The following TMPRSS11F variants were observed in gnomAD, a reference collection of about 807,000 sequenced individuals.
TMPRSS11F encodes the protein transmembrane serine protease 11F.
Under a neutral mutation model 60.2 loss-of-function variants are expected in TMPRSS11F, and 47 were observed. The ratio of observed to expected loss-of-function variants is 0.78; its 90% CI spans 0.62 to 1.00. The LOEUF is 1.00. Among genes scored for constraint, TMPRSS11F ranks in the 50% least tolerant of loss-of-function variants. The pLI is 0.00. For synonymous variants in TMPRSS11F, 166 were observed against 167.3 expected (o/e 0.99, Z 0.06); for missense variants, 519 against 522.9 (o/e 0.99, Z 0.07).
At chr4:68,072,585 T>C in intron 4 of TMPRSS11F, 99 bp from the exon 5 acceptor site, 1 of 776,434 alleles carries the variant, frequency 1.3e-6, no homozygotes, top group Non-Finnish European at 1.8e-6. Flanking sequence ...TAATGCATGA[T>C]ACATGTGCAT....
chr4:68,091,765 C>CTA (rs1290302918), intron 2 of TMPRSS11F, among the ~76,000 whole-genome samples: 46 of 114,660 alleles, frequency 4.0e-4, no homozygotes, highest in Admixed American at 1.7e-3. Context: ...CTCTCTCTCT[C>CTA]TCTCTCTCTC....
intron 1 of TMPRSS11F, among the ~76,000 whole-genome samples, chr4:68,114,388 C>A (rs1342707183): frequency 6.6e-6 from 1 of 151,774 alleles, no homozygotes; most frequent in African/African-American, 2.4e-5. Context: ...AAAGATATTA[C>A]CATAGACCTA....
intron 1 of TMPRSS11F, among the ~76,000 whole-genome samples, chr4:68,115,343 C>G (rs1338383543): frequency 1.0e-5 from 1 of 100,022 alleles, no homozygotes; most frequent in Non-Finnish European, 1.8e-5. Flanking sequence ...GGCAACAGAG[C>G]AAGACACCAT....
intron 2 of TMPRSS11F, among the ~76,000 whole-genome samples, chr4:68,097,698 C>T (rs1042894028): frequency 6.6e-6 from 1 of 151,878 alleles, no homozygotes; most frequent in Non-Finnish European, 1.5e-5. Flanking sequence ...ATTATTTTTA[C>T]TATCCCTTCA....
At chr4:68,099,189 A>G (rs2109871728) in intron 1 of TMPRSS11F, 151 bp from the exon 2 acceptor site, 1 of 614,386 alleles carries the variant, frequency 1.6e-6, no homozygotes. Context: ...TTTAATTTGC[A>G]TATCCTCCCC....
chr4:68,091,324 A>T (rs1050202979), intron 2 of TMPRSS11F, among the ~76,000 whole-genome samples: 3 of 151,974 alleles, frequency 2.0e-5, no homozygotes, highest in Admixed American at 6.6e-5. Flanking sequence ...CGTCGCAGTC[A>T]CCTTGGTGAG....
chr4:68,091,118 T>C (rs1723921001), intron 2 of TMPRSS11F, among the ~76,000 whole-genome samples: 1 of 152,128 alleles, frequency 6.6e-6, no homozygotes. Flanking sequence ...TCCCATTCAC[T>C]CCCTAATTCT....
intron 8 of TMPRSS11F, 111 bp downstream of exon 8, chr4:68,064,573 AC>A: frequency 7.9e-7 from 1 of 1,264,864 alleles, no homozygotes; most frequent in East Asian, 2.3e-5. Flanking sequence ...GGCCACACAT[AC>A]TGGAAAGACC....
Position 68,116,688 on chromosome 4 carries a change from C to T in TMPRSS11F, c.11+13122G>A, listed in dbSNP as rs895698952. ...AGAAGAGAGAGCCCAGAAATAAACT[C>T]ATGCATCTATGCCAACTGATATTTG... On this transcript the variant is annotated intron_variant, in intron 1 of 9. Transcript: ENST00000356291. Among the ~76,000 whole-genome samples, 9 of 152,096 alleles carry T rather than the reference C, an allele frequency of 5.9e-5. 1 individual carries two copies. The highest frequency in any genetic ancestry group is 2.2e-4 in the African/African-American group (9 of 41,420).
At chr4:68,096,663 A>G (rs934151746) in intron 2 of TMPRSS11F, among the ~76,000 whole-genome samples, 5 of 152,186 alleles carry the variant, frequency 3.3e-5, no homozygotes, top group African/African-American at 9.6e-5. Flanking sequence ...AGTTTTAAAA[A>G]CAGTGGATAA....
chr4:68,115,356 C>CAAAA lies in TMPRSS11F; in HGVS notation c.11+14450_11+14453dup, dbSNP rs57550471. Among the ~76,000 whole-genome samples, 47 of 74,680 alleles carry CAAAA rather than the reference C, an allele frequency of 6.3e-4. 6 individuals are homozygous for CAAAA. Among genetic ancestry groups the CAAAA allele is most frequent in the African/African-American group, 1.3e-3 (24 of 19,004 alleles). The allele number at this position is 74,680 out of a possible 152,430, so 49.0% of individuals were successfully genotyped here. A position where few individuals can be genotyped will look rare whatever the true frequency, so the allele number is the denominator to read the frequency against. On this transcript the variant is annotated intron_variant, in intron 1 of 9. Coordinates refer to ENST00000356291, the MANE Select transcript of TMPRSS11F (RefSeq NM_207407.2). ...TGGGCAACAGAGCAAGACACCATCT[C>CAAAA]AAAAAAAAAAAAAAAAAAAAAAAAA...
chr4:68,114,322 T>C (rs1042089476), intron 1 of TMPRSS11F, among the ~76,000 whole-genome samples: 5 of 151,752 alleles, frequency 3.3e-5, no homozygotes, highest in African/African-American at 7.3e-5. Flanking sequence ...TATAAAGATA[T>C]ATAGAATTAT....
chr4:68,127,793 A>T (rs1724742234), intron 1 of TMPRSS11F, among the ~76,000 whole-genome samples: 1 of 152,162 alleles, frequency 6.6e-6, no homozygotes, highest in South Asian at 2.1e-4. Flanking sequence ...AAGATACAGA[A>T]AAAAATAAAA....
At chr4:68,063,375 G>A (rs920033352) in intron 8 of TMPRSS11F, 5 of 390,298 alleles carry the variant, frequency 1.3e-5, no homozygotes, top group African/African-American at 1.1e-4. Context: ...TTTGTTTTCT[G>A]TTTTTGTTTT....
At chr4:68,082,022 T>C (rs1043777267) in intron 3 of TMPRSS11F, among the ~76,000 whole-genome samples, 1 of 152,006 alleles carries the variant, frequency 6.6e-6, no homozygotes, top group Non-Finnish European at 1.5e-5. Flanking sequence ...GACCAAAATA[T>C]TGAGTAAGCC....
At chr4:68,059,534 T>A (rs1723113753) in intron 8 of TMPRSS11F, 66 bp from the exon 9 acceptor site, 2 of 1,468,764 alleles carry the variant, frequency 1.4e-6, no homozygotes, top group Non-Finnish European at 1.8e-6. Context: ...ATCTAAGACA[T>A]AGAAGACACA....
At chr4:68,096,687 T>C (rs1401506127) in intron 2 of TMPRSS11F, among the ~76,000 whole-genome samples, 1 of 152,210 alleles carries the variant, frequency 6.6e-6, no homozygotes, top group African/African-American at 2.4e-5. Flanking sequence ...GTCAGAATTA[T>C]AATGCACTGA....
chr4:68,064,341 T>G (rs1000245126), intron 8 of TMPRSS11F, among the ~76,000 whole-genome samples: 1 of 151,996 alleles, frequency 6.6e-6, no homozygotes, highest in South Asian at 2.1e-4. Flanking sequence ...CACACCACCA[T>G]GCCCAGCTAA....
At position 68,125,130 on chromosome 4, in the gene TMPRSS11F, G is replaced by T. The variant is rs189106379; in HGVS notation, c.11+4680C>A. ...CATATGAAATTGCCTGTATTCAATG[G>T]TTTTTTTAACTTACAAACAGGGCAA... On this transcript the variant is annotated intron_variant, in intron 1 of 9. Transcript: ENST00000356291. Among the ~76,000 whole-genome samples the T allele has an allele frequency of 2.5e-3, 372 of 151,256 alleles. 1 individual carries two copies. Among genetic ancestry groups the T allele is most frequent in the African/African-American group, 8.8e-3 (363 of 41,336 alleles).
Sources: gnomAD v4.1 joint callset for allele counts (sites outside exome capture counted in the v4.1 genomes callset) on GRCh38, gnomAD v4.1.1 for gene constraint, MANE v1.5 for transcripts, NCBI Gene and HGNC (gene_info 2026-07-23, HGNC 2026-07-21) for gene names.